The following USP32 variants were observed in gnomAD, a reference collection of about 807,000 sequenced individuals.
USP32 encodes the protein ubiquitin carboxyl-terminal hydrolase 32.
A neutral mutation model predicts 204.8 loss-of-function variants in USP32; 59 were observed. The observed-to-expected ratio is 0.29, with a 90% CI of 0.23 to 0.36. The LOEUF is 0.36. Among genes scored for constraint, USP32 ranks in the 10% least tolerant of loss-of-function variants. USP32 has a pLI of 1.00. For synonymous variants in USP32, 517 were observed against 678.4 expected, an observed-to-expected ratio of 0.76 and a Z score of 3.70; for missense variants, 1,160 against 1,946.4, an observed-to-expected ratio of 0.60 and a Z score of 7.60.
At chr17:60,192,977 G>A (rs200749752) in intron 27 of USP32, 47 bp from the exon 28 acceptor site, 47 of 1,594,006 alleles carry the variant, frequency 2.9e-5, no homozygotes, top group Admixed American at 1.0e-4. Flanking sequence ...TTTCTGGTTC[G>A]AGGTCCAACT....
At chr17:60,190,732 T>A (rs373576333) in intron 28 of USP32, 49 bp from the exon 29 acceptor site, 5 of 1,565,818 alleles carry the variant, frequency 3.2e-6, no homozygotes, top group Non-Finnish European at 3.4e-6. Context: ...TATGAAGGAA[T>A]CTAAATTTTC....
At chr17:60,282,684 T>A (rs981053871) in intron 5 of USP32, among the ~76,000 whole-genome samples, 1 of 152,196 alleles carries the variant, frequency 6.6e-6, no homozygotes, top group East Asian at 1.9e-4. Context: ...AACATCCCCA[T>A]GCTATGAAGT....
chr17:60,317,812 C>T (rs1383654383), intron 2 of USP32, among the ~76,000 whole-genome samples: 2 of 152,126 alleles, frequency 1.3e-5, no homozygotes, highest in Non-Finnish European at 2.9e-5. Context: ...ATGGTAAAAA[C>T]CCGTCTCTAC....
chr17:60,347,195 CT>C (rs2088807015), intron 1 of USP32, among the ~76,000 whole-genome samples: 1 of 148,930 alleles, frequency 6.7e-6, no homozygotes, highest in African/African-American at 2.5e-5. Context: ...TTTTTTTTTT[CT>C]TTTTTTGAGA....
intron 3 of USP32, among the ~76,000 whole-genome samples, chr17:60,299,232 A>G (rs1425521925): frequency 2.6e-5 from 4 of 152,218 alleles, no homozygotes; most frequent in African/African-American, 9.6e-5. Context: ...ATACCTCAAT[A>G]AAACTTTTCT....
chr17:60,360,504 CAA>C (rs2089183424), intron 1 of USP32, among the ~76,000 whole-genome samples: 1 of 151,396 alleles, frequency 6.6e-6, no homozygotes, highest in African/African-American at 2.4e-5. Flanking sequence ...ACTAAAAATA[CAA>C]AAGTTAGCCA....
At position 60,217,056 on chromosome 17, in the gene USP32, T is replaced by C. The variant is rs550835479; in HGVS notation, c.1868-2282A>G. Among the ~76,000 whole-genome samples the C allele has an allele frequency of 1.1e-3, 173 of 152,336 alleles. 1 individual carries two copies. The highest frequency in any genetic ancestry group is 2.0e-3 in the Non-Finnish European group (135 of 68,032). ...TCTAGGATTCAGAAGCATATAAGTATAGTATTCAAGTCAATCTCTATTGTC... is the reference window on the plus strand; with the variant it reads ...TCTAGGATTCAGAAGCATATAAGTACAGTATTCAAGTCAATCTCTATTGTC... On this transcript the variant is annotated intron_variant, in intron 16 of 33. Transcript: ENST00000300896.
chr17:60,266,268 G>A (rs2086589696), intron 7 of USP32, among the ~76,000 whole-genome samples, 177 bp from the exon 8 acceptor site: 1 of 152,062 alleles, frequency 6.6e-6, no homozygotes, highest in South Asian at 2.1e-4. Flanking sequence ...GAACTTGTAG[G>A]ACTTCCTGCA....
chr17:60,251,529 C>T (rs1238406373), intron 11 of USP32, among the ~76,000 whole-genome samples: 1 of 152,048 alleles, frequency 6.6e-6, no homozygotes, highest in Non-Finnish European at 1.5e-5. Flanking sequence ...AATGACAGTA[C>T]CTATTGAGAG....
chr17:60,247,885 C>T (rs1045184994), intron 11 of USP32, among the ~76,000 whole-genome samples: 9 of 152,072 alleles, frequency 5.9e-5, no homozygotes, highest in South Asian at 4.2e-4. Context: ...GGGGTTTCAC[C>T]GCGTTAGCCA....
At chr17:60,376,075 C>T (rs1567883982) in intron 1 of USP32, among the ~76,000 whole-genome samples, 1 of 151,152 alleles carries the variant, frequency 6.6e-6, no homozygotes, top group Non-Finnish European at 1.5e-5. Context: ...GACGGGGTCT[C>T]ACTCCTGTCG....
At chr17:60,387,455 C>T (rs548152744) in intron 1 of USP32, among the ~76,000 whole-genome samples, 11 of 152,346 alleles carry the variant, frequency 7.2e-5, no homozygotes, top group South Asian at 2.1e-4. Context: ...CCATCAGAGA[C>T]ACCCATACAC....
At position 60,286,829 on chromosome 17, in the gene USP32, A is replaced by G. The variant is rs536580456; in HGVS notation, c.571+1694T>C. On this transcript the variant is annotated intron_variant, in intron 5 of 33. Coordinates refer to ENST00000300896, the MANE Select transcript of USP32 (RefSeq NM_032582.4). ...AGACCACAGGGGAACTAAAGACTCA[A>G]TGCTCACCATCCTTCTTTGTTCTAA... is the stretch of plus-strand genomic sequence containing the variant. Among the ~76,000 whole-genome samples the G allele has an allele frequency of 3.3e-5, 5 of 152,212 alleles. No homozygotes were observed. In the South Asian group the frequency reaches 1.0e-3, roughly 32 times the overall value.
intron 12 of USP32, among the ~76,000 whole-genome samples, chr17:60,232,477 T>A (rs1434953856): frequency 2.2e-5 from 2 of 92,216 alleles, no homozygotes; most frequent in African/African-American, 1.1e-4. Flanking sequence ...CTGGCCCAAA[T>A]TTTTTTTTTT....
At position 60,196,278 on chromosome 17, in the gene USP32, G is replaced by GA. The variant is rs35533470; in HGVS notation, c.3434+1981dup. ...AGATTCTATCCCCACGCCAAAAAAA[G>GA]AAAAAAAAAAAAGAAGTCAGCCTGG... On this transcript the variant is annotated intron_variant, in intron 27 of 33. Coordinates refer to ENST00000300896, the MANE Select transcript of USP32 (RefSeq NM_032582.4). Among the ~76,000 whole-genome samples, 89 of 134,934 alleles carry GA rather than the reference G, an allele frequency of 6.6e-4. 1 individual carries two copies. The highest frequency in any genetic ancestry group is 4.1e-3 in the Middle Eastern group (1 of 244). The allele number at this position is 134,934 out of a possible 152,430, so 88.5% of individuals were successfully genotyped here. A position where few individuals can be genotyped will look rare whatever the true frequency, so the allele number is the denominator to read the frequency against.
chr17:60,250,109 A>T (rs1285559558), intron 11 of USP32, among the ~76,000 whole-genome samples: 1 of 152,184 alleles, frequency 6.6e-6, no homozygotes, highest in African/African-American at 2.4e-5. Context: ...ACAAAAGGCA[A>T]ATTATTGGTA....
At chr17:60,387,517 C>T (rs2089751523) in intron 1 of USP32, among the ~76,000 whole-genome samples, 1 of 152,128 alleles carries the variant, frequency 6.6e-6, no homozygotes, top group South Asian at 2.1e-4. Flanking sequence ...ACTTAATATA[C>T]CATAAGCTAA....
intron 9 of USP32, among the ~76,000 whole-genome samples, chr17:60,265,111 T>C (rs2145764410): frequency 6.6e-6 from 1 of 152,334 alleles, no homozygotes; most frequent in South Asian, 2.1e-4. Context: ...AGGTTAGCCT[T>C]ACCACAACTT....
At chr17:60,246,215 T>C (rs1337000254) in intron 11 of USP32, among the ~76,000 whole-genome samples, 3 of 152,020 alleles carry the variant, frequency 2.0e-5, no homozygotes, top group Non-Finnish European at 4.4e-5. Flanking sequence ...ATCATAATAC[T>C]CTCTAATTCC....
Sources: gnomAD v4.1 joint callset for allele counts (sites outside exome capture counted in the v4.1 genomes callset) on GRCh38, gnomAD v4.1.1 for gene constraint, MANE v1.5 for transcripts, NCBI Gene and HGNC (gene_info 2026-07-23, HGNC 2026-07-21) for gene names.